Variants in P2RY14 observed in about 807,000 individuals in gnomAD.
The protein encoded by P2RY14 is purinergic receptor P2Y14.
P2RY14 carries 2 observed loss-of-function variants against 0.9 expected under a neutral mutation model. The observed-to-expected ratio is 2.16, with a 90% confidence interval of 0.88 to 6.79. The LOEUF is 6.79. Among genes scored for constraint, P2RY14 ranks in the 30% most tolerant of loss-of-function variants. P2RY14 has a pLI of 0.05. For missense variants in P2RY14, 378 were observed against 400.1 expected, an observed-to-expected ratio of 0.94 and a Z score of 0.47; for synonymous variants, 158 against 147.2, an observed-to-expected ratio of 1.07 and a Z score of -0.53.
Position 151,213,674 on chromosome 3 carries a change from T to C in P2RY14, c.643A>G (p.Lys215Glu). The C allele has an allele frequency of 6.2e-7, 1 of 1,614,222 alleles. No individual in the cohort carries two copies. Among genetic ancestry groups the C allele is most frequent in the East Asian group, 2.2e-5 (1 of 44,890 alleles). ...TTCCGACTTGACTTAAGGTGGGACT[T>C]AAAGATTTTCTTTGTGATAGCAGTA... The part of the protein sequence containing the change: ...FYTAITKKIF[K>E]SHLKSSRNST... The change falls in exon 3 of 3, where the codon AAG becomes GAG. Residue 215 changes from lysine (K) to glutamate (E), a missense_variant. Physicochemically the swap from Lys to Glu is moderately conservative, Grantham distance 56 (BLOSUM62 1). Transcript: ENST00000309170.
Position 151,214,228 on chromosome 3 carries a change from C to T in P2RY14, c.89G>A (p.Cys30Tyr), listed in dbSNP as rs769490082. ...ITQQIIPVLY[C>Y]MVFIAGILLN... ...TAGGATTCCTGCAATGAAGACCATA[C>T]AGTACAGCACAGGAATGATCTGCTG... The change falls in exon 3 of 3, where the codon TGT (cysteine) becomes TAT (tyrosine). Residue 30 changes from cysteine to tyrosine, a missense_variant. Transcript: ENST00000309170. The T allele has an allele frequency of 2.5e-6, 4 of 1,613,948 alleles. No individual in the cohort carries two copies. The South Asian group carries it at 4.4e-5, about 18-fold the overall frequency.
At chr3:151,235,802 C>T (rs1347455515) in intron 1 of P2RY14, among the ~76,000 whole-genome samples, 8 of 152,136 alleles carry the variant, frequency 5.3e-5, no homozygotes, top group Non-Finnish European at 8.8e-5. Context: ...CTTTGTGTGG[C>T]TGCCACATGC....
At chr3:151,241,103 T>A (rs1226872138) in intron 1 of P2RY14, among the ~76,000 whole-genome samples, 1 of 152,076 alleles carries the variant, frequency 6.6e-6, no homozygotes, top group Non-Finnish European at 1.5e-5. Context: ...GAAGTGTTAG[T>A]TAGAAGTCTT....
intron 1 of P2RY14, among the ~76,000 whole-genome samples, chr3:151,233,186 G>T (rs934642746): frequency 3.9e-5 from 6 of 152,100 alleles, no homozygotes; most frequent in African/African-American, 1.4e-4. Flanking sequence ...ATGTTGACGA[G>T]CCCGGCTGCC....
At chr3:151,272,787 T>A (rs1249175573) in intron 1 of P2RY14, among the ~76,000 whole-genome samples, 1 of 152,160 alleles carries the variant, frequency 6.6e-6, no homozygotes, top group African/African-American at 2.4e-5. Flanking sequence ...GTTTTGACTC[T>A]CAACTATGTA....
intron 1 of P2RY14, among the ~76,000 whole-genome samples, chr3:151,235,913 G>A (rs1479331658): frequency 6.6e-6 from 1 of 151,990 alleles, no homozygotes; most frequent in Non-Finnish European, 1.5e-5. Context: ...CTCTTACCAC[G>A]TTTGTTTTCT....
intron 1 of P2RY14, among the ~76,000 whole-genome samples, chr3:151,232,615 A>G (rs990805010): frequency 6.6e-6 from 1 of 152,258 alleles, no homozygotes; most frequent in African/African-American, 2.4e-5. Flanking sequence ...CCATAAAAAA[A>G]GAATGAGATC....
chr3:151,251,111 T>C (rs1016816713), intron 1 of P2RY14, among the ~76,000 whole-genome samples: 1 of 152,206 alleles, frequency 6.6e-6, no homozygotes, highest in African/African-American at 2.4e-5. Context: ...TGATGTTTTA[T>C]GGATTCCATC....
rs151304103 is a variant in P2RY14, at chr3:151,230,269, C to T, written c.-132-10627G>A. Reference sequence around the variant, plus strand: ...GATTACAGGCGTGAGCCACCGCACCCGGCCGGGATCTGTTCTTGAATATGC... The same window carrying T: ...GATTACAGGCGTGAGCCACCGCACCTGGCCGGGATCTGTTCTTGAATATGC... On this transcript the variant is annotated intron_variant, in intron 1 of 2. Coordinates refer to ENST00000309170, the MANE Select transcript of P2RY14 (RefSeq NM_014879.4). Among the ~76,000 whole-genome samples, 27 of 152,346 alleles carry T rather than the reference C, an allele frequency of 1.8e-4. No homozygotes were observed. In the South Asian group the frequency reaches 2.5e-3, roughly 14 times the overall value.
chr3:151,226,679 G>T (rs114156015), intron 1 of P2RY14, among the ~76,000 whole-genome samples: 3,340 of 151,816 alleles, frequency 0.022, 56 homozygotes, highest in Non-Finnish European at 0.035. Context: ...TTTTGTTTTT[G>T]ATCTGAGTTT....
At chr3:151,231,854 G>A (rs1423054519) in intron 1 of P2RY14, among the ~76,000 whole-genome samples, 2 of 152,140 alleles carry the variant, frequency 1.3e-5, no homozygotes, top group East Asian at 3.8e-4. Context: ...TATTTAGAAG[G>A]GAAGGGTCAT....
rs752974803 is a variant in P2RY14, at chr3:151,214,279, G to T, written c.38C>A (p.Ser13Tyr). ...NSTSTQPPDE[S>Y]CSQNLLITQQ... ...AGTGATCAGGAGGTTCTGAGAGCAG[G>T]ATTCATCTGGAGGCTGTGTGGAGGT... Residue 13 changes from serine to tyrosine, a missense_variant, in exon 3 of 3, where the codon TCC becomes TAC. Ser to Tyr is a moderately radical substitution (Grantham distance 144). Coordinates refer to ENST00000309170, the MANE Select transcript of P2RY14 (RefSeq NM_014879.4). The T allele has an allele frequency of 6.2e-7, 1 of 1,613,962 alleles. No homozygotes were observed. The highest frequency in any genetic ancestry group is 2.2e-5 in the East Asian group (1 of 44,876).
intron 1 of P2RY14, among the ~76,000 whole-genome samples, chr3:151,245,169 C>G (rs1468869433): frequency 2.6e-5 from 4 of 152,190 alleles, no homozygotes; most frequent in Non-Finnish European, 5.9e-5. Context: ...GATGGATTCA[C>G]AGCTGAATTC....
intron 1 of P2RY14, among the ~76,000 whole-genome samples, chr3:151,266,882 T>C (rs1739936492): frequency 2.0e-5 from 3 of 152,224 alleles, no homozygotes; most frequent in Admixed American, 2.0e-4. Context: ...CAGCATGTTG[T>C]AGGAGTCTGT....
At chr3:151,218,155 AT>A (rs887120134) in intron 2 of P2RY14, among the ~76,000 whole-genome samples, 7 of 152,212 alleles carry the variant, frequency 4.6e-5, no homozygotes, top group African/African-American at 1.4e-4. Flanking sequence ...TCTCATGCTG[AT>A]TTTATACAAA....
intron 1 of P2RY14, among the ~76,000 whole-genome samples, chr3:151,226,187 A>G (rs1427960611): frequency 6.6e-6 from 1 of 152,212 alleles, no homozygotes; most frequent in Non-Finnish European, 1.5e-5. Flanking sequence ...TGGTGGCATC[A>G]GGGCAGCCTT....
chr3:151,231,481 T>TGTACA (rs1416163026), intron 1 of P2RY14, among the ~76,000 whole-genome samples: 1 of 152,210 alleles, frequency 6.6e-6, no homozygotes, highest in Non-Finnish European at 1.5e-5. Flanking sequence ...TTTAGTTAGA[T>TGTACA]GTACACAACA....
chr3:151,235,455 C>A (rs1732542243), intron 1 of P2RY14, among the ~76,000 whole-genome samples: 1 of 152,164 alleles, frequency 6.6e-6, no homozygotes, highest in South Asian at 2.1e-4. Flanking sequence ...CTTGTAATCT[C>A]AACACTTTGG....
chr3:151,276,341 C>T (rs750186201), intron 1 of P2RY14, among the ~76,000 whole-genome samples: 2 of 152,220 alleles, frequency 1.3e-5, no homozygotes, highest in Non-Finnish European at 2.9e-5. Flanking sequence ...TCCAAACAAA[C>T]TTGGCACTCT....
Sources: allele counts gnomAD v4.1 joint callset (sites outside exome capture counted in the v4.1 genomes callset), GRCh38; gene constraint gnomAD v4.1.1; transcripts MANE v1.5; gene names NCBI Gene and HGNC (gene_info 2026-07-23, HGNC 2026-07-21).